Variants in CPEB3 observed in about 807,000 individuals in gnomAD.
The protein encoded by CPEB3 is cytoplasmic polyadenylation element binding protein 3, also known as cytoplasmic polyadenylation element-binding protein 3.
In CPEB3, 20 loss-of-function variants were observed where a neutral mutation model predicts 67.2. The ratio of observed to expected loss-of-function variants is 0.30; its 90% CI spans 0.21 to 0.43. CPEB3 has a LOEUF of 0.43. Ranked by LOEUF, CPEB3 falls within the 20% of genes least tolerant of loss-of-function variation. The probability of loss-of-function intolerance (pLI) is 1.00; values close to 1 mark genes in which losing one functional copy is unlikely to be tolerated. For synonymous variants in CPEB3, 376 were observed against 393.1 expected, an observed-to-expected ratio of 0.96 and a Z score of 0.51; for missense variants, 746 against 968.6, an observed-to-expected ratio of 0.77 and a Z score of 3.05.
chr10:92,140,437 C>T (rs1292563340), intron 6 of CPEB3, among the ~76,000 whole-genome samples: 4 of 152,116 alleles, frequency 2.6e-5, no homozygotes, highest in African/African-American at 7.2e-5. Context: ...ATGTAGAAAG[C>T]TGAAACTGGA....
At chr10:92,216,294 G>C (rs1018087134) in intron 2 of CPEB3, 4 of 1,556,318 alleles carry the variant, frequency 2.6e-6, no homozygotes, top group African/African-American at 2.7e-5. Flanking sequence ...AATTTGGCTG[G>C]GCAGCCTCCC....
chr10:92,052,500 C>T, intron 9 of CPEB3, 61 bp from the exon 10 acceptor site: 2 of 1,460,642 alleles, frequency 1.4e-6, no homozygotes, highest in South Asian at 2.4e-5. Context: ...ACATGTCTTG[C>T]TTTTGAGAGT....
intron 1 of CPEB3, among the ~76,000 whole-genome samples, chr10:92,261,592 C>T (rs1398267092): frequency 2.0e-5 from 3 of 152,064 alleles, no homozygotes; most frequent in African/African-American, 7.2e-5. Flanking sequence ...GGATTACAGG[C>T]GCCCACCACA....
At chr10:92,240,510 C>T (rs1398206989) in intron 1 of CPEB3, 149 bp from the exon 2 acceptor site, 2 of 791,398 alleles carry the variant, frequency 2.5e-6, no homozygotes, top group Admixed American at 3.5e-5. Context: ...TTTAGAAGAA[C>T]AGGTCAGGCT....
At chr10:92,169,735 A>G (rs531402160) in intron 4 of CPEB3, among the ~76,000 whole-genome samples, 9 of 152,302 alleles carry the variant, frequency 5.9e-5, no homozygotes, top group Admixed American at 5.2e-4. Flanking sequence ...CACAGACCCC[A>G]GCCTAATCCC....
intron 2 of CPEB3, among the ~76,000 whole-genome samples, chr10:92,230,920 G>A (rs1032130320): frequency 1.3e-5 from 2 of 152,200 alleles, no homozygotes; most frequent in African/African-American, 4.8e-5. Context: ...GGCCCCTAAA[G>A]AGGGTCAGGC....
In CPEB3 at chr10:92,080,289, G is replaced by A. The variant is rs1843096660; in HGVS notation, c.1869+1031C>T. Among the ~76,000 whole-genome samples, 8 of 151,822 alleles carry A rather than the reference G, an allele frequency of 5.3e-5. No individual in the cohort carries two copies. The South Asian group carries it at 1.7e-3, about 32-fold the overall frequency. On this transcript the variant is annotated intron_variant, in intron 9 of 9. Transcript: ENST00000265997. ...TACAGGGTCCAGATTGGCTCTTACT[G>A]CCTTCCATACCCCTAAGATTGCAAA...
At chr10:92,054,041 T>C (rs1182665766) in intron 9 of CPEB3, among the ~76,000 whole-genome samples, 1 of 152,228 alleles carries the variant, frequency 6.6e-6, no homozygotes, top group Non-Finnish European at 1.5e-5. Flanking sequence ...TGACAATGTT[T>C]AGCATTTTTT....
intron 6 of CPEB3, among the ~76,000 whole-genome samples, chr10:92,135,544 T>A (rs1300846560): frequency 9.9e-5 from 15 of 152,158 alleles, no homozygotes; most frequent in Admixed American, 9.8e-4. Flanking sequence ...GAAATAGGAA[T>A]GCTTTTATAC....
intron 4 of CPEB3, among the ~76,000 whole-genome samples, chr10:92,166,310 T>C (rs1033173080): frequency 6.6e-6 from 1 of 152,098 alleles, no homozygotes; most frequent in Admixed American, 6.6e-5. Context: ...GGTTTCACCA[T>C]GTTGACCAGG....
chr10:92,060,352 AATAT>A (rs964575315), intron 9 of CPEB3, among the ~76,000 whole-genome samples: 1 of 152,130 alleles, frequency 6.6e-6, no homozygotes, highest in Non-Finnish European at 1.5e-5. Context: ...CTTGTCTAAA[AATAT>A]ATATATAAAT....
At chr10:92,176,618 G>T (rs1204003549) in intron 4 of CPEB3, among the ~76,000 whole-genome samples, 1 of 152,212 alleles carries the variant, frequency 6.6e-6, no homozygotes, top group Non-Finnish European at 1.5e-5. Context: ...ATATTTATCT[G>T]TTTTCCCAAG....
intron 4 of CPEB3, among the ~76,000 whole-genome samples, chr10:92,168,083 C>G (rs73316065): frequency 1.3e-3 from 203 of 152,242 alleles, no homozygotes; most frequent in African/African-American, 4.8e-3. Flanking sequence ...TTGCCACAAA[C>G]TTGGAATTTA....
intron 8 of CPEB3, among the ~76,000 whole-genome samples, chr10:92,084,291 T>A (rs1843282221): frequency 6.6e-6 from 1 of 152,166 alleles, no homozygotes; most frequent in Non-Finnish European, 1.5e-5. Flanking sequence ...GTGACTGATG[T>A]TGCTGGCAGT....
At chr10:92,059,325 C>CAAAAAAAAAAAAAAAAAAAAAA (rs61034093) in intron 9 of CPEB3, among the ~76,000 whole-genome samples, 18 of 101,102 alleles carry the variant, frequency 1.8e-4, no homozygotes, top group East Asian at 3.0e-4. Context: ...GAAACTCTGT[C>CAAAAAAAAAAAAAAAAAAAAAA]AAAAAAAAAA....
intron 2 of CPEB3, among the ~76,000 whole-genome samples, chr10:92,192,838 G>A (rs547858128): frequency 3.9e-5 from 6 of 152,204 alleles, no homozygotes; most frequent in African/African-American, 7.2e-5. Context: ...GGCTGGTCTC[G>A]AATGTCTAGG....
chr10:92,075,536 T>C (rs1842902516), intron 9 of CPEB3, among the ~76,000 whole-genome samples: 1 of 152,228 alleles, frequency 6.6e-6, no homozygotes, highest in South Asian at 2.1e-4. Flanking sequence ...GTGAATTGTA[T>C]GCTATGTGAA....
At chr10:92,244,466 CTCTCT>C (rs1564904139) in intron 1 of CPEB3, among the ~76,000 whole-genome samples, 3 of 150,350 alleles carry the variant, frequency 2.0e-5, no homozygotes, top group Admixed American at 2.0e-4. Context: ...GAGATGGAGT[CTCTCT>C]CTGTTGCCTA....
At chr10:92,173,145 T>G (rs1218943538) in intron 4 of CPEB3, among the ~76,000 whole-genome samples, 1 of 152,124 alleles carries the variant, frequency 6.6e-6, no homozygotes, top group Non-Finnish European at 1.5e-5. Context: ...AACATACACA[T>G]TAAAGAAAAA....
Sources: gnomAD v4.1 joint callset for allele counts (sites outside exome capture counted in the v4.1 genomes callset) on GRCh38, gnomAD v4.1.1 for gene constraint, MANE v1.5 for transcripts, NCBI Gene and HGNC (gene_info 2026-07-23, HGNC 2026-07-21) for gene names.